The following CCSER1 variants were observed in gnomAD, a reference collection of about 807,000 sequenced individuals.
CCSER1 encodes serine-rich coiled-coil domain-containing protein 1.
In CCSER1, 41 loss-of-function variants were observed where a neutral mutation model predicts 82.0. The ratio of observed to expected loss-of-function variants is 0.50; its 90% CI spans 0.39 to 0.65. The LOEUF (loss-of-function observed/expected upper bound fraction) is 0.65, where lower values mean the gene tolerates loss of function less well. CCSER1 is among the 30% of genes least tolerant of loss of function. The pLI, the probability that CCSER1 is intolerant of heterozygous loss-of-function variation, is 0.00. For missense variants in CCSER1, 1,119 were observed against 1,064.2 expected, an observed-to-expected ratio of 1.05 and a Z score of -0.72; for synonymous variants, 414 against 383.9, an observed-to-expected ratio of 1.08 and a Z score of -0.92.
chr4:91,081,643 T>C (rs2148803126), intron 9 of CCSER1, among the ~76,000 whole-genome samples: 1 of 152,344 alleles, frequency 6.6e-6, no homozygotes, highest in Middle Eastern at 3.4e-3. Context: ...GCAGATGACA[T>C]GATTGTATAT....
chr4:90,507,473 G>T lies in CCSER1; in HGVS notation c.1724+39119G>T, dbSNP rs140270489. Among the ~76,000 whole-genome samples, 575 of 151,994 alleles carry T rather than the reference G, an allele frequency of 3.8e-3. 5 individuals carry two copies. The highest frequency in any genetic ancestry group is 0.013 in the African/African-American group (552 of 41,454). On this transcript the variant is annotated intron_variant, in intron 5 of 10. Transcript: ENST00000509176. ...TTTTTATAGTTTATTTTTCTTACAT[G>T]AAAAATTGCTACATTCTTTCTGGAC...
intron 10 of CCSER1, among the ~76,000 whole-genome samples, chr4:91,235,973 C>A (rs1193127757): frequency 6.6e-6 from 1 of 152,068 alleles, no homozygotes; most frequent in Admixed American, 6.6e-5. Flanking sequence ...CTGAGTTAGA[C>A]ACATTTTGAT....
At chr4:91,001,044 T>G (rs1247965877) in intron 9 of CCSER1, among the ~76,000 whole-genome samples, 1 of 152,146 alleles carries the variant, frequency 6.6e-6, no homozygotes, top group African/African-American at 2.4e-5. Context: ...TGGCTGTGTG[T>G]TTAACATAGA....
intron 10 of CCSER1, among the ~76,000 whole-genome samples, chr4:91,397,047 G>T (rs1217708475): frequency 6.6e-6 from 1 of 151,946 alleles, no homozygotes; most frequent in Non-Finnish European, 1.5e-5. Flanking sequence ...TTGATATCTG[G>T]CTCTGTATTG....
At chr4:90,285,917 G>T (rs1392636235) in intron 1 of CCSER1, among the ~76,000 whole-genome samples, 1 of 151,878 alleles carries the variant, frequency 6.6e-6, no homozygotes, top group African/African-American at 2.4e-5. Context: ...CCTTCATTCT[G>T]TTGATGTGAT....
chr4:90,691,596 C>T (rs1735934229), intron 6 of CCSER1, among the ~76,000 whole-genome samples: 1 of 108,486 alleles, frequency 9.2e-6, no homozygotes, highest in African/African-American at 2.9e-5. Flanking sequence ...GAATATATCA[C>T]ATGTGTATAT....
intron 9 of CCSER1, among the ~76,000 whole-genome samples, chr4:91,042,783 G>C (rs1030705232): frequency 5.3e-5 from 8 of 151,938 alleles, no homozygotes; most frequent in African/African-American, 1.9e-4. Flanking sequence ...CATTACAGGG[G>C]GGAAAAAGTA....
chr4:91,161,083 G>T (rs183498621), intron 10 of CCSER1, among the ~76,000 whole-genome samples: 437 of 152,204 alleles, frequency 2.9e-3, no homozygotes, highest in Non-Finnish European at 4.7e-3. Flanking sequence ...TTTAGTATAA[G>T]GTGTAAGGAA....
chr4:91,384,355 G>T (rs1415906531), intron 10 of CCSER1, among the ~76,000 whole-genome samples: 1 of 151,844 alleles, frequency 6.6e-6, no homozygotes, highest in African/African-American at 2.4e-5. Context: ...AATATTTAAA[G>T]AAACACACTG....
At chr4:90,808,355 C>G (rs933028375) in intron 7 of CCSER1, among the ~76,000 whole-genome samples, 1 of 151,896 alleles carries the variant, frequency 6.6e-6, no homozygotes, top group African/African-American at 2.4e-5. Flanking sequence ...ACTATGACCC[C>G]AAAAACAAAT....
intron 1 of CCSER1, among the ~76,000 whole-genome samples, chr4:90,152,400 A>G (rs1727032658): frequency 6.6e-6 from 1 of 152,138 alleles, no homozygotes; most frequent in South Asian, 2.1e-4. Flanking sequence ...TAAGTGAGCC[A>G]AGGTTCATCC....
intron 10 of CCSER1, among the ~76,000 whole-genome samples, chr4:91,295,639 A>G (rs920698528): frequency 6.8e-6 from 1 of 147,794 alleles, no homozygotes; most frequent in Non-Finnish European, 1.5e-5. Context: ...AGATGTATTT[A>G]TATTCATGCA....
intron 10 of CCSER1, among the ~76,000 whole-genome samples, chr4:91,296,101 G>A (rs1744141307): frequency 6.6e-6 from 1 of 151,746 alleles, no homozygotes; most frequent in African/African-American, 2.4e-5. Flanking sequence ...TTTTCAGGTA[G>A]TTTGTCTCAA....
Position 91,156,132 on chromosome 4 carries a change from T to C in CCSER1, c.2217+70138T>C, listed in dbSNP as rs1042532132. ...TATAATATTGTTTATGTTGATAATA[T>C]ATGATATTGATAATTGTTGAAGGGA... is the stretch of plus-strand genomic sequence containing the variant. On this transcript the variant is annotated intron_variant, in intron 10 of 10. Transcript: ENST00000509176. Among the ~76,000 whole-genome samples, 47 of 151,894 alleles carry C rather than the reference T, an allele frequency of 3.1e-4. 1 individual carries two copies. Among genetic ancestry groups the C allele is most frequent in the African/African-American group, 1.1e-3 (46 of 41,516 alleles).
chr4:90,230,329 G>T (rs560672934), intron 1 of CCSER1, among the ~76,000 whole-genome samples: 2 of 151,988 alleles, frequency 1.3e-5, no homozygotes, highest in Non-Finnish European at 2.9e-5. Flanking sequence ...ACTCAAAACC[G>T]CTCAACTACA....
At chr4:91,553,080 T>G (rs1263589502) in intron 10 of CCSER1, among the ~76,000 whole-genome samples, 1 of 151,604 alleles carries the variant, frequency 6.6e-6, no homozygotes, top group Non-Finnish European at 1.5e-5. Context: ...TATTCTACAC[T>G]TAATTTTTTG....
At chr4:91,078,416 C>A (rs1157225395) in intron 9 of CCSER1, among the ~76,000 whole-genome samples, 1 of 152,188 alleles carries the variant, frequency 6.6e-6, no homozygotes, top group East Asian at 1.9e-4. Context: ...CACAAAAACC[C>A]CATCTGTACG....
intron 10 of CCSER1, among the ~76,000 whole-genome samples, chr4:91,379,861 C>T (rs1750735801): frequency 6.6e-6 from 1 of 152,138 alleles, no homozygotes; most frequent in Non-Finnish European, 1.5e-5. Context: ...TTAGATCTTT[C>T]CTGCTTTCTC....
intron 7 of CCSER1, among the ~76,000 whole-genome samples, chr4:90,751,163 A>T (rs1260416732): frequency 6.6e-6 from 1 of 152,156 alleles, no homozygotes; most frequent in Non-Finnish European, 1.5e-5. Flanking sequence ...CATATAAAAA[A>T]GTAAGACATT....
Sources: allele counts gnomAD v4.1 joint callset (sites outside exome capture counted in the v4.1 genomes callset), GRCh38; gene constraint gnomAD v4.1.1; transcripts MANE v1.5; gene names NCBI Gene and HGNC (gene_info 2026-07-23, HGNC 2026-07-21).